The following HGF variants were observed in gnomAD, a reference collection of about 807,000 sequenced individuals.
The protein encoded by HGF is fibroblast-derived tumor cytotoxic factor.
A neutral mutation model predicts 111.6 loss-of-function variants in HGF; 39 were observed. The ratio of observed to expected loss-of-function variants is 0.35; its 90% confidence interval spans 0.27 to 0.46. HGF has a LOEUF of 0.46. Ranked by LOEUF, HGF falls within the 20% of genes least tolerant of loss-of-function variation. The pLI is 1.00. For missense variants in HGF, 735 were observed against 910.5 expected (o/e 0.81, Z 2.48); for synonymous variants, 285 against 294.8 (o/e 0.97, Z 0.34).
chr7:81,720,634 A>T, intron 10 of HGF, 111 bp downstream of exon 10: 2 of 711,710 alleles, frequency 2.8e-6, no homozygotes, highest in Non-Finnish European at 5.1e-6. Flanking sequence ...TGCTTTTATT[A>T]GCTTACCATG....
intron 13 of HGF, among the ~76,000 whole-genome samples, chr7:81,707,689 G>A (rs1018360717): frequency 6.6e-6 from 1 of 152,096 alleles, no homozygotes; most frequent in Non-Finnish European, 1.5e-5. Context: ...AGGAACGTAT[G>A]TGCTACAAAT....
At chr7:81,719,020 T>C (rs1383387477) in intron 10 of HGF, among the ~76,000 whole-genome samples, 1 of 152,192 alleles carries the variant, frequency 6.6e-6, no homozygotes, top group East Asian at 1.9e-4. Context: ...TTAACTGAGC[T>C]TACAAGACTC....
intron 7 of HGF, among the ~76,000 whole-genome samples, chr7:81,731,365 A>AAC (rs1787649846): frequency 4.6e-5 from 7 of 152,340 alleles, no homozygotes; most frequent in Admixed American, 4.6e-4. Context: ...AGAAACTCAA[A>AAC]TGAAGATGAA....
chr7:81,733,546 A>G (rs1034609334), intron 7 of HGF, among the ~76,000 whole-genome samples: 3 of 152,040 alleles, frequency 2.0e-5, no homozygotes, highest in African/African-American at 7.2e-5. Flanking sequence ...TTTAACTCCA[A>G]AGTACCCTCT....
chr7:81,751,820 G>A, intron 5 of HGF: 1 of 1,201,684 alleles, frequency 8.3e-7, no homozygotes, highest in Non-Finnish European at 1.0e-6. Context: ...AGTAGATTTT[G>A]AGGTATGTGA....
intron 6 of HGF, among the ~76,000 whole-genome samples, chr7:81,744,441 C>A (rs527463337): frequency 6.6e-6 from 1 of 152,180 alleles, no homozygotes; most frequent in South Asian, 2.1e-4. Flanking sequence ...CAGGACAAAG[C>A]AACCTGAATG....
chr7:81,734,455 A>G (rs963258659), intron 7 of HGF, among the ~76,000 whole-genome samples: 2 of 152,180 alleles, frequency 1.3e-5, no homozygotes, highest in Non-Finnish European at 2.9e-5. Flanking sequence ...GCCTCTTGGA[A>G]CATTAATTTC....
At chr7:81,761,089 C>T (rs1234063099) in intron 2 of HGF, among the ~76,000 whole-genome samples, 1 of 152,112 alleles carries the variant, frequency 6.6e-6, no homozygotes, top group Non-Finnish European at 1.5e-5. Flanking sequence ...CTTCCCTTTT[C>T]CCTGCCCTTC....
chr7:81,742,579 T>C, intron 7 of HGF: 1 of 468,616 alleles, frequency 2.1e-6, no homozygotes, highest in Non-Finnish European at 3.0e-6. Context: ...ATTAGCCCTG[T>C]ATTCAAAGAA....
intron 11 of HGF, among the ~76,000 whole-genome samples, chr7:81,712,494 A>G (rs1267897124): frequency 1.3e-5 from 2 of 152,224 alleles, no homozygotes; most frequent in Non-Finnish European, 2.9e-5. Flanking sequence ...AAAAGAGAAC[A>G]CTGAAAACTA....
chr7:81,709,558 T>C (rs975328683), intron 13 of HGF, among the ~76,000 whole-genome samples: 5 of 152,292 alleles, frequency 3.3e-5, no homozygotes, highest in Admixed American at 3.3e-4. Flanking sequence ...ATGTAGAATA[T>C]GTCATTGATT....
At chr7:81,742,750 GA>G in intron 7 of HGF, 1 of 1,486,262 alleles carries the variant, frequency 6.7e-7, no homozygotes, top group Non-Finnish European at 9.0e-7. Context: ...CCAGCATGTA[GA>G]AAAATGATTG....
At chr7:81,712,532 C>T (rs1393331359) in intron 11 of HGF, among the ~76,000 whole-genome samples, 2 of 152,120 alleles carry the variant, frequency 1.3e-5, no homozygotes, top group African/African-American at 4.8e-5. Context: ...AAACCTGTAG[C>T]TTACTACTTT....
At chr7:81,766,993 C>T (rs1370081895) in intron 1 of HGF, among the ~76,000 whole-genome samples, 1 of 152,122 alleles carries the variant, frequency 6.6e-6, no homozygotes, top group Non-Finnish European at 1.5e-5. Flanking sequence ...AAATGCTTGC[C>T]TTCAGTTGCT....
chr7:81,719,987 T>C (rs867800495), intron 10 of HGF, among the ~76,000 whole-genome samples: 14 of 152,198 alleles, frequency 9.2e-5, no homozygotes, highest in African/African-American at 3.1e-4. Context: ...GTTTTTTCTT[T>C]TATTCTAGTG....
At chr7:81,717,764 T>C (rs1789752674) in intron 10 of HGF, among the ~76,000 whole-genome samples, 2 of 152,160 alleles carry the variant, frequency 1.3e-5, no homozygotes, top group South Asian at 4.1e-4. Context: ...AGTATTTTTT[T>C]ACATTTTAGA....
At chr7:81,760,684 T>A (rs200731400) in intron 2 of HGF, among the ~76,000 whole-genome samples, 1 of 13,286 alleles carries the variant, frequency 7.5e-5, no homozygotes, top group African/African-American at 1.8e-4. Flanking sequence ...TGCGTGCGTG[T>A]GTGTGTGTGT....
rs1267493094 is a variant in HGF at position 81,705,460 on chromosome 7, C to A, written c.1940G>T (p.Arg647Leu). Residue 647 changes from arginine (R) to leucine (L), a missense_variant, in exon 17 of 18, where the codon CGA becomes CTA. This residue lies in a region of HGF where 130 missense variants were observed against 129.9 expected (regional missense o/e 1.00). Transcript: ENST00000222390. Reference sequence around the variant, plus strand: ...AGACTCATTCAGAGTCACCTTCCCTCGATGATGCTGGCTGCATTTCTCATT... The same window carrying A: ...AGACTCATTCAGAGTCACCTTCCCTAGATGATGCTGGCTGCATTTCTCATT... ...MGNEKCSQHH[R>L]GKVTLNESEI... 6.2e-7 allele frequency: 1 copy of A among 1,612,722 alleles called. No homozygotes were observed. The highest frequency in any genetic ancestry group is 8.5e-7 in the Non-Finnish European group (1 of 1,179,032).
At chr7:81,743,552 A>T in intron 6 of HGF, 81 bp from the exon 7 acceptor site, 2 of 924,198 alleles carry the variant, frequency 2.2e-6, no homozygotes, top group Non-Finnish European at 3.6e-6. Flanking sequence ...ATAACTTTCC[A>T]CTTAGGTTGT....
Sources: gnomAD v4.1 joint callset for allele counts (sites outside exome capture counted in the v4.1 genomes callset) on GRCh38, gnomAD v4.1.1 for gene constraint, gnomAD v4.1.1 regional missense constraint, MANE v1.5 for transcripts, NCBI Gene and HGNC (gene_info 2026-07-23, HGNC 2026-07-21) for gene names.